Variants in TTN observed in about 807,000 individuals in gnomAD.
TTN encodes titin, also known as connectin.
Under a neutral mutation model 3,223.0 loss-of-function variants are expected in TTN, and 1,525 were observed. The observed-to-expected ratio is 0.47, with a 90% CI of 0.45 to 0.49. TTN has a LOEUF of 0.49. Among genes scored for constraint, TTN ranks in the 20% least tolerant of loss-of-function variants. The probability of loss-of-function intolerance (pLI) is 0.00; values close to 1 mark genes in which losing one functional copy is unlikely to be tolerated. For synonymous variants in TTN, 14,094 were observed against 15,161.0 expected (o/e 0.93, Z 5.17); for missense variants, 40,786 against 43,424.0 (o/e 0.94, Z 5.40).
chr2:178,617,663 A>G (rs1338882652), intron 253 of TTN, 116 bp downstream of exon 253: 1 of 1,461,764 alleles, frequency 6.8e-7, no homozygotes, highest in Non-Finnish European at 9.2e-7. Flanking sequence ...ACTTTATCCA[A>G]ATTTTTATGA....
intron 98 of TTN, 21 bp from the exon 99 acceptor site, chr2:178,709,877 A>G (rs1423883861): frequency 6.3e-7 from 1 of 1,588,216 alleles, no homozygotes; most frequent in East Asian, 2.2e-5. Flanking sequence ...TTGCAAGGAT[A>G]TATGAAGTAG....
intron 43 of TTN, among the ~76,000 whole-genome samples, chr2:178,763,855 T>C (rs2089830061): frequency 6.6e-6 from 1 of 152,214 alleles, no homozygotes; most frequent in African/African-American, 2.4e-5. Flanking sequence ...TGTCATTGTA[T>C]TTTATCAATG....
rs778907927 is a variant in TTN at position 178,531,158 on chromosome 2, C to T, written c.105457G>A (p.Asp35153Asn). The T allele has an allele frequency of 6.8e-6, 11 of 1,613,876 alleles. No homozygotes were observed. The highest frequency in any genetic ancestry group is 6.7e-5 in the East Asian group (3 of 44,898). The change falls in exon 358 of 363, where the codon GAT (aspartate) becomes AAT (asparagine). Residue 35153 changes from aspartate (D) to asparagine (N), a missense_variant. Asp to Asn is a conservative substitution (Grantham distance 23). Coordinates refer to ENST00000589042, the MANE Select transcript of TTN (RefSeq NM_001267550.2). ...GTCACAGTTGGTACCGGCTCACCAT[C>T]GGTGTCACAAGAAAACCTTGCAGAC... Reference protein sequence around the residue: ...GESARFSCDTDGEPVPTVTWL... With the variant: ...GESARFSCDTNGEPVPTVTWL...
In TTN at chr2:178,552,055, G is replaced by C; in HGVS notation, c.90845C>G (p.Thr30282Arg). The change falls in exon 335 of 363, where the codon ACG becomes AGG. Residue 30282 changes from threonine (T) to arginine (R), a missense_variant. By Grantham distance (71) the Thr-to-Arg change is moderately conservative (BLOSUM62 -1). Transcript: ENST00000589042. The stretch of plus-strand genomic sequence containing the variant: ...GACTAGATTAGGAACTTTGAAAGTC[G>C]TTCTGGCAACACTTGAACACACCAT... ...WKMVCSSVAR[T>R]TFKVPNLVKD... 1 of 1,613,678 alleles carries C rather than the reference G, an allele frequency of 6.2e-7. No individual in the cohort carries two copies. Among genetic ancestry groups the C allele is most frequent in the Non-Finnish European group, 8.5e-7 (1 of 1,179,754 alleles).
Position 178,739,891 on chromosome 2 carries a change from C to T in TTN, c.13342G>A (p.Ala4448Thr), listed in dbSNP as rs752334587. 6 of 1,613,714 alleles carry T rather than the reference C, an allele frequency of 3.7e-6. No homozygotes were observed. The African/African-American group carries it at 8.0e-5, about 22-fold the overall frequency. The change falls in exon 48 of 363, where the codon GCA (alanine) becomes ACA (threonine). Residue 4448 changes from alanine to threonine, a missense_variant. Coordinates refer to ENST00000589042, the MANE Select transcript of TTN (RefSeq NM_001267550.2). ...HIMCMYLVTS[A>T]KSVTEEVTII... is the part of the protein sequence containing the mutation. ...GTTACTTCTTCTGTTACAGACTTTG[C>T]CGAAGTAACAAGGTACATGCACATG...
chr2:178,706,641 C>T lies in TTN; in HGVS notation c.29233G>A (p.Val9745Ile), dbSNP rs879159098. 1.2e-6 allele frequency: 2 copies of T among 1,613,904 alleles called. No homozygotes were observed. Among genetic ancestry groups the T allele is most frequent in the Admixed American group, 1.7e-5 (1 of 60,008 alleles). The change falls in exon 102 of 363, where the codon GTT becomes ATT. Residue 9745 changes from valine (V) to isoleucine (I), a missense_variant. By Grantham distance (29) the Val-to-Ile change is conservative. Transcript: ENST00000589042. ...TCATCGCCTTTTTGGTGGATGAAAA[C>T]ACGACCTCCTTGGTTCAGCTGTCTC... is the stretch of plus-strand genomic sequence containing the variant. ...KWRQLNQGGRVFIHQKGDEAK... is the reference protein window; with the variant it reads ...KWRQLNQGGRIFIHQKGDEAK...
In TTN at chr2:178,724,256, T is replaced by A; in HGVS notation, c.21115+4A>T. On this transcript the variant is annotated splice_donor_region_variant and intron_variant, in intron 72 of 362. Coordinates refer to ENST00000589042, the MANE Select transcript of TTN (RefSeq NM_001267550.2). ...AGCAACCAGAAGAAAACAGCAGAAC[T>A]AACCTGAAACATCAACCACAGCTGT... is the stretch of plus-strand genomic sequence containing the variant. 6.2e-7 allele frequency: 1 copy of A among 1,610,346 alleles called. No individual in the cohort carries two copies. Among genetic ancestry groups the A allele is most frequent in the Non-Finnish European group, 8.5e-7 (1 of 1,177,694 alleles).
chr2:178,682,960 T>C, intron 134 of TTN, 57 bp from the exon 135 acceptor site: 1 of 1,412,274 alleles, frequency 7.1e-7, no homozygotes, highest in South Asian at 1.3e-5. Context: ...TAAGGATGAC[T>C]GATAGTAACA....
chr2:178,669,480 A>T, intron 158 of TTN, 33 bp from the exon 159 acceptor site: 1 of 1,561,654 alleles, frequency 6.4e-7, no homozygotes, highest in Non-Finnish European at 8.7e-7. Flanking sequence ...ATTGTTACAG[A>T]TAACAAATAT....
chr2:178,533,957 A>C lies in TTN; in HGVS notation c.102658T>G (p.Ser34220Ala), dbSNP rs763863092. The change falls in exon 358 of 363, where the codon TCT becomes GCT. Residue 34220 changes from serine to alanine, a missense_variant. Transcript: ENST00000589042. The part of the protein sequence containing the change: ...KVVNDYGEDS[S>A]YAELFVKGVR... Reference sequence around the variant, plus strand: ...CCTTTAACAAATAGCTCTGCATAAGAACTGTCTTCACCATAGTCATTGACT... The same window carrying C: ...CCTTTAACAAATAGCTCTGCATAAGCACTGTCTTCACCATAGTCATTGACT... The C allele has an allele frequency of 7.4e-6, 12 of 1,613,784 alleles. No homozygotes were observed. The African/African-American group carries it at 1.6e-4, about 22-fold the overall frequency.
Position 178,582,928 on chromosome 2 carries a change from T to C in TTN, c.65863+12A>G. ...AGTAAAATATGGGATTCCAATGAAG[T>C]TTATTAGTTACCTAACACTTTAAGC... On this transcript the variant is annotated intron_variant, in intron 313 of 362. Coordinates refer to ENST00000589042, the MANE Select transcript of TTN (RefSeq NM_001267550.2). The C allele has an allele frequency of 6.7e-7, 1 of 1,482,664 alleles. No homozygotes were observed. The highest frequency in any genetic ancestry group is 9.0e-7 in the Non-Finnish European group (1 of 1,115,668). 91.8% of individuals were successfully genotyped at this position (1,482,664 alleles called of 1,614,324 possible).
chr2:178,731,442 T>G lies in TTN; in HGVS notation c.17324A>C (p.Asn5775Thr). Reference protein sequence around the residue: ...KDSDEITEDDNIRMTFENNVA... With the variant: ...KDSDEITEDDTIRMTFENNVA... ...ATTGTTCTCAAAGGTCATTCTTATATTATCGTCTTCAGTGATTTCATCGCT... is the reference window on the plus strand; with the variant it reads ...ATTGTTCTCAAAGGTCATTCTTATAGTATCGTCTTCAGTGATTTCATCGCT... The change falls in exon 59 of 363, where the codon AAT (asparagine) becomes ACT (threonine). Residue 5775 changes from asparagine to threonine, a missense_variant. Transcript: ENST00000589042. 3 of 1,613,776 alleles carry G rather than the reference T, an allele frequency of 1.9e-6. No individual in the cohort carries two copies. Among genetic ancestry groups the G allele is most frequent in the South Asian group, 1.1e-5 (1 of 91,076 alleles).
chr2:178,548,162 T>C lies in TTN; in HGVS notation c.93464A>G (p.Lys31155Arg), dbSNP rs1230714355. The C allele has an allele frequency of 6.2e-7, 1 of 1,613,820 alleles. No individual in the cohort carries two copies. Among genetic ancestry groups the C allele is most frequent in the Admixed American group, 1.7e-5 (1 of 60,004 alleles). The change falls in exon 339 of 363, where the codon AAG becomes AGG. Residue 31155 changes from lysine to arginine, a missense_variant. Transcript: ENST00000589042. This position sits in a 1 kb window ranked among gnomAD's most constrained non-coding sequence, Gnocchi z 4.3. ...ITGYLLEMRQKGSDFWVEAGH... is the reference protein window; with the variant it reads ...ITGYLLEMRQRGSDFWVEAGH... ...AGCTTCAACCCAGAAGTCAGATCCC[T>C]TTTGTCTCATTTCAAGCAGGTAGCC...
rs761849101 is a variant in TTN at position 178,739,211 on chromosome 2, C to G, written c.14022G>C (p.Glu4674Asp). The change falls in exon 48 of 363, where the codon GAG becomes GAC. Residue 4674 changes from glutamate (E) to aspartate (D), a missense_variant. Coordinates refer to ENST00000589042, the MANE Select transcript of TTN (RefSeq NM_001267550.2). ...DKVNTEDHQG[E>D]YVCEALNDSG... ...TGTCATTCAAGGCCTCACAGACATA[C>G]TCTCCTTGATGGTCTTCGGTATTTA... 2 of 1,561,192 alleles carry G rather than the reference C, an allele frequency of 1.3e-6. No homozygotes were observed. The highest frequency in any genetic ancestry group is 4.5e-5 in the East Asian group (2 of 44,204).
intron 343 of TTN, 31 bp downstream of exon 343, chr2:178,545,789 T>C (rs1381584590): frequency 6.2e-7 from 1 of 1,603,740 alleles, no homozygotes; most frequent in Non-Finnish European, 8.5e-7. Context: ...ACATTTCAAC[T>C]GTCAAATTAT....
Position 178,619,166 on chromosome 2 carries a change from C to T in TTN, c.46697-313G>A. On this transcript the variant is annotated intron_variant, in intron 250 of 362. Coordinates refer to ENST00000589042, the MANE Select transcript of TTN (RefSeq NM_001267550.2). Reference sequence around the variant, plus strand: ...TTGTTTTGTTTTTTGATAGAGTAGGCACTGCATACTTAGTTCAATAAATCA... The same window carrying T: ...TTGTTTTGTTTTTTGATAGAGTAGGTACTGCATACTTAGTTCAATAAATCA... 3 of 405,416 alleles carry T rather than the reference C, an allele frequency of 7.4e-6. No individual in the cohort carries two copies. In the South Asian group the frequency reaches 8.9e-5, roughly 12 times the overall value. 25.1% of individuals were successfully genotyped at this position (405,416 alleles called of 1,614,324 possible).
intron 189 of TTN, among the ~76,000 whole-genome samples, 175 bp from the exon 190 acceptor site, chr2:178,655,170 C>T (rs1243897692): frequency 2.2e-5 from 3 of 135,866 alleles, no homozygotes; most frequent in South Asian, 4.8e-4. Flanking sequence ...TAAACAGAAC[C>T]AACGACAAAA....
intron 47 of TTN, chr2:178,751,700 A>T (rs1476087078): frequency 6.2e-7 from 1 of 1,613,260 alleles, no homozygotes. Flanking sequence ...GACCCTTTTA[A>T]TCTCTAAGCT....
intron 33 of TTN, 100 bp downstream of exon 33, chr2:178,773,009 T>C (rs908750957): frequency 4.7e-6 from 7 of 1,490,766 alleles, no homozygotes; most frequent in Middle Eastern, 2.2e-4. Context: ...AGCAGAGGCA[T>C]GGAAGTGGGA....
Sources: allele counts gnomAD v4.1 joint callset (sites outside exome capture counted in the v4.1 genomes callset), GRCh38; gene constraint gnomAD v4.1.1; non-coding constraint Gnocchi (gnomAD v3.1); transcripts MANE v1.5; gene names NCBI Gene and HGNC (gene_info 2026-07-23, HGNC 2026-07-21).